The following ADAMTS13 variants were observed in gnomAD, a reference collection of about 807,000 sequenced individuals.
The protein encoded by ADAMTS13 is A disintegrin and metalloproteinase with thrombospondin motifs 13.
A neutral mutation model predicts 155.1 loss-of-function variants in ADAMTS13; 110 were observed. The observed-to-expected ratio is 0.71, with a 90% CI of 0.61 to 0.83. The LOEUF is 0.83. Among genes scored for constraint, ADAMTS13 ranks in the 40% least tolerant of loss-of-function variants. The pLI is 0.00. For missense variants in ADAMTS13, 1,707 were observed against 1,891.7 expected (o/e 0.90, Z 1.81); for synonymous variants, 758 against 756.4 (o/e 1.00, Z -0.03).
intron 25 of ADAMTS13, 69 bp downstream of exon 25, chr9:133,455,504 G>T: frequency 6.2e-7 from 1 of 1,612,054 alleles, no homozygotes. Context: ...CCCTGCTGGT[G>T]CCTCCCTGGA....
intron 7 of ADAMTS13, among the ~76,000 whole-genome samples, chr9:133,429,507 C>T (rs1254456993): frequency 1.3e-5 from 1 of 79,218 alleles, no homozygotes; most frequent in Non-Finnish European, 2.4e-5. Flanking sequence ...CCACCCTGTT[C>T]CTGCACCCAC....
At chr9:133,449,470 T>C (rs1842292294) in intron 22 of ADAMTS13, among the ~76,000 whole-genome samples, 1 of 151,930 alleles carries the variant, frequency 6.6e-6, no homozygotes, top group African/African-American at 2.4e-5. Flanking sequence ...AGGGCGGTGG[T>C]GCTGGGATCA....
rs781922767 is a variant in ADAMTS13, at chr9:133,426,259, T to G, written c.600T>G (p.Gly200=). 1.2e-6 allele frequency: 2 copies of G among 1,612,416 alleles called. No individual in the cohort carries two copies. Among genetic ancestry groups the G allele is most frequent in the Admixed American group, 1.7e-5 (1 of 60,002 alleles). ...TGCGGGGCGTCACCCAGCTGGGCGGTGCCTGCTCCCCAACCTGGAGCTGCC... is the reference window on the plus strand; with the variant it reads ...TGCGGGGCGTCACCCAGCTGGGCGGGGCCTGCTCCCCAACCTGGAGCTGCC... ...RQVRGVTQLG[G]ACSPTWSCLI... is the part of the protein sequence containing the mutation. Residue 200 remains glycine, a synonymous_variant, in exon 6 of 29, where the codon GGT becomes GGG. Transcript: ENST00000355699.
chr9:133,436,825 C>T lies in ADAMTS13; in HGVS notation c.1309-4C>T. 1 of 1,373,788 alleles carries T rather than the reference C, an allele frequency of 7.3e-7. No individual in the cohort carries two copies. The highest frequency in any genetic ancestry group is 9.7e-7 in the Non-Finnish European group (1 of 1,026,840). The allele number at this position is 1,373,788 out of a possible 1,614,324, so 85.1% of individuals were successfully genotyped here. A position where few individuals can be genotyped will look rare whatever the true frequency, so the allele number is the denominator to read the frequency against. On this transcript the variant is annotated splice_polypyrimidine_tract_variant and splice_region_variant and intron_variant, in intron 11 of 28. Coordinates refer to ENST00000355699, the MANE Select transcript of ADAMTS13 (RefSeq NM_139027.6). ...ATCCCCCTCCTCTGCCTCCTCCTGG[C>T]CAGGCCTGCGAGAAGACCCAGCTGG...
chr9:133,419,952 T>C (rs1346703686), upstream of ADAMTS13, among the ~76,000 whole-genome samples: 2 of 151,772 alleles, frequency 1.3e-5, no homozygotes, highest in African/African-American at 2.4e-5. Flanking sequence ...TCGCCCAGGC[T>C]GGAGTGCAAT....
At chr9:133,418,161 G>C, upstream of ADAMTS13, 2 of 404,816 alleles carry the variant, frequency 4.9e-6, no homozygotes, top group East Asian at 9.6e-5. Context: ...CGGGGTCATC[G>C]ACCTCGAGTT....
chr9:133,417,813 C>A, upstream of ADAMTS13: 1 of 1,604,954 alleles, frequency 6.2e-7, no homozygotes, highest in South Asian at 1.1e-5. Flanking sequence ...GCTCGGGGCG[C>A]GCTTGGAGGC....
Position 133,422,498 on chromosome 9 carries a change from C to G in ADAMTS13, c.55C>G (p.Leu19Val). The G allele has an allele frequency of 6.2e-7, 1 of 1,614,120 alleles. No individual in the cohort carries two copies. The highest frequency in any genetic ancestry group is 8.5e-7 in the Non-Finnish European group (1 of 1,180,010). ...CCCTCCCCTCTGTGTGGCCGGAATC[C>G]TTGCCTGTGGCTTTCTCCTGGGCTG... ...RCPPLCVAGILACGFLLGCWG... is the reference protein window; with the variant it reads ...RCPPLCVAGIVACGFLLGCWG... The change falls in exon 1 of 29, where the codon CTT (leucine) becomes GTT (valine). Residue 19 changes from leucine (L) to valine (V), a missense_variant. Leu to Val is a conservative substitution (Grantham distance 32, BLOSUM62 1). Transcript: ENST00000355699.
At chr9:133,458,599 A>G (rs1842898427) in intron 28 of ADAMTS13, among the ~76,000 whole-genome samples, 1 of 151,762 alleles carries the variant, frequency 6.6e-6, no homozygotes, top group Non-Finnish European at 1.5e-5. Flanking sequence ...AGAATGGTAA[A>G]GACCTTTCTG....
In ADAMTS13 at chr9:133,430,040, A is replaced by G; in HGVS notation, c.926A>G (p.Glu309Gly). ...CCTGGCCTCTACTACAGCGCCAACG[A>G]GCAGTGCCGCGTGGCCTTCGGCCCC... ...AQPGLYYSANEQCRVAFGPKA... is the reference protein window; with the variant it reads ...AQPGLYYSANGQCRVAFGPKA... The change falls in exon 8 of 29, where the codon GAG (glutamate) becomes GGG (glycine). Residue 309 changes from glutamate to glycine, a missense_variant. Physicochemically the swap from Glu to Gly is moderately conservative, Grantham distance 98. This residue lies in a region of ADAMTS13 where 733 missense variants were observed against 749.6 expected (regional missense o/e 0.98). Transcript: ENST00000355699. 1.9e-6 allele frequency: 3 copies of G among 1,595,856 alleles called. No individual in the cohort carries two copies. Among genetic ancestry groups the G allele is most frequent in the Non-Finnish European group, 2.6e-6 (3 of 1,176,350 alleles).
chr9:133,449,932 A>G lies in ADAMTS13; in HGVS notation c.3011A>G (p.Gln1004Arg), dbSNP rs1842329890. 2 of 1,610,630 alleles carry G rather than the reference A, an allele frequency of 1.2e-6. No individual in the cohort carries two copies. The highest frequency in any genetic ancestry group is 2.7e-5 in the African/African-American group (2 of 75,014). The change falls in exon 23 of 29, where the codon CAG becomes CGG. Residue 1004 changes from glutamine (Q) to arginine (R), a missense_variant. Physicochemically the swap from Gln to Arg is conservative, Grantham distance 43. Transcript: ENST00000355699. ...CAGGGGCTGCCTCGCCCGGAACCCCAGGAGGCCTGCAGCCTGGAGCCCTGC... is the reference window on the plus strand; with the variant it reads ...CAGGGGCTGCCTCGCCCGGAACCCCGGGAGGCCTGCAGCCTGGAGCCCTGC... ...QCQGLPRPEP[Q>R]EACSLEPCPP...
At chr9:133,420,255 G>A (rs1839901519), upstream of ADAMTS13, among the ~76,000 whole-genome samples, 1 of 152,146 alleles carries the variant, frequency 6.6e-6, no homozygotes, top group African/African-American at 2.4e-5. Context: ...TGGCCAGGCT[G>A]ATCTCGAACT....
chr9:133,434,464 C>T (rs1841027644), intron 11 of ADAMTS13, among the ~76,000 whole-genome samples: 1 of 152,204 alleles, frequency 6.6e-6, no homozygotes. Flanking sequence ...CGCCACCACG[C>T]CCGGCTAATT....
upstream of ADAMTS13, chr9:133,422,291 G>T: frequency 1.3e-6 from 1 of 742,208 alleles, no homozygotes; most frequent in South Asian, 1.6e-5. Context: ...CCTAGCCACG[G>T]CCCCTGCCCT....
chr9:133,445,552 G>T lies in ADAMTS13; in HGVS notation c.2611-147G>T, dbSNP rs36221587. 7.8e-7 allele frequency: 1 copy of T among 1,276,258 alleles called. No homozygotes were observed. The highest frequency in any genetic ancestry group is 1.1e-6 in the Non-Finnish European group (1 of 895,944). The allele number at this position is 1,276,258 out of a possible 1,614,324, so 79.1% of individuals were successfully genotyped here. A position where few individuals can be genotyped will look rare whatever the true frequency, so the allele number is the denominator to read the frequency against. On this transcript the variant is annotated intron_variant, in intron 20 of 28. Coordinates refer to ENST00000355699, the MANE Select transcript of ADAMTS13 (RefSeq NM_139027.6). This position sits in a 1 kb window ranked among gnomAD's most constrained non-coding sequence, Gnocchi z 5.0. ...ATACCCGCTGCGAGACCGGGGAGCC[G>T]ATCTCGCCAAGGGAGGAGGGGAGGG...
chr9:133,435,579 G>T (rs1370395833), intron 11 of ADAMTS13, among the ~76,000 whole-genome samples: 6 of 150,642 alleles, frequency 4.0e-5, no homozygotes, highest in Admixed American at 4.0e-4. Flanking sequence ...GCCCAAGCTG[G>T]AGTGCGGTGG....
chr9:133,424,560 C>G lies in ADAMTS13; in HGVS notation c.330+82C>G, dbSNP rs587718205. On this transcript the variant is annotated intron_variant, in intron 3 of 28. Coordinates refer to ENST00000355699, the MANE Select transcript of ADAMTS13 (RefSeq NM_139027.6). The surrounding 1 kb of genome is among the most constrained non-coding windows in gnomAD (Gnocchi z 4.3). Reference sequence around the variant, plus strand: ...TCTGTGGGCTGGTGTATCTGGTAGTCTGAATACAGTGGGTTAAACTCAGGT... The same window carrying G: ...TCTGTGGGCTGGTGTATCTGGTAGTGTGAATACAGTGGGTTAAACTCAGGT... The G allele has an allele frequency of 2.0e-4, 306 of 1,549,536 alleles. 1 individual carries two copies. In the African/African-American group the frequency reaches 3.8e-3, roughly 19 times the overall value.
chr9:133,454,010 C>A (rs587685004), intron 23 of ADAMTS13, among the ~76,000 whole-genome samples: 28 of 152,234 alleles, frequency 1.8e-4, no homozygotes, highest in Admixed American at 1.4e-3. Context: ...TCAACATGGG[C>A]AGCCTTCCCT....
chr9:133,433,989 G>A (rs1411865241), intron 11 of ADAMTS13, among the ~76,000 whole-genome samples: 13 of 151,990 alleles, frequency 8.6e-5, no homozygotes, highest in Non-Finnish European at 1.6e-4. Context: ...CCAGCTACTC[G>A]GGAAGCTGAG....
Sources: gnomAD v4.1 joint callset for allele counts (sites outside exome capture counted in the v4.1 genomes callset) on GRCh38, gnomAD v4.1.1 for gene constraint, gnomAD v4.1.1 regional missense constraint, Gnocchi (gnomAD v3.1) non-coding constraint, MANE v1.5 for transcripts, NCBI Gene and HGNC (gene_info 2026-07-23, HGNC 2026-07-21) for gene names.